MGMT: variants seen among roughly 807,000 people sequenced by gnomAD.
The protein encoded by MGMT is methylated-DNA--protein-cysteine methyltransferase.
In MGMT, 14 loss-of-function variants were observed where a neutral mutation model predicts 15.9. That is an observed-to-expected ratio of 0.88 (90% confidence interval 0.58 to 1.37). MGMT has a LOEUF of 1.37. MGMT is among the 40% of genes most tolerant of loss of function. MGMT has a pLI of 0.00. For synonymous variants in MGMT, 130 were observed against 118.2 expected, an observed-to-expected ratio of 1.10 and a Z score of -0.65; for missense variants, 282 against 268.1, an observed-to-expected ratio of 1.05 and a Z score of -0.36.
chr10:129,495,278 CGTA>C (rs1303808453), intron 1 of MGMT, among the ~76,000 whole-genome samples: 1 of 152,148 alleles, frequency 6.6e-6, no homozygotes, highest in African/African-American at 2.4e-5. Flanking sequence ...GCAAAATAAA[CGTA>C]GTACCTAATG....
intron 1 of MGMT, among the ~76,000 whole-genome samples, chr10:129,495,800 T>C (rs947082): frequency 0.1 from 15,673 of 152,248 alleles, 988 homozygotes; most frequent in Non-Finnish European, 0.13. Flanking sequence ...TCACATGACA[T>C]CAGAACTTCA....
chr10:129,600,898 A>G (rs1846813954), intron 2 of MGMT, among the ~76,000 whole-genome samples: 1 of 152,202 alleles, frequency 6.6e-6, no homozygotes, highest in Non-Finnish European at 1.5e-5. Context: ...AGCTATCCAG[A>G]GAAATTGGAT....
At chr10:129,755,651 A>G (rs966738320) in intron 3 of MGMT, among the ~76,000 whole-genome samples, 6 of 152,218 alleles carry the variant, frequency 3.9e-5, no homozygotes, top group South Asian at 2.1e-4. Flanking sequence ...TGGAAGCACA[A>G]TGGCCTGCCT....
chr10:129,620,759 G>A (rs1847082161), intron 2 of MGMT, among the ~76,000 whole-genome samples: 1 of 152,118 alleles, frequency 6.6e-6, no homozygotes, highest in South Asian at 2.1e-4. Context: ...CAGTATGCAA[G>A]TCTGTACTTT....
chr10:129,753,600 A>G lies in MGMT; in HGVS notation c.275-5602A>G, dbSNP rs1038224921. On this transcript the variant is annotated intron_variant, in intron 3 of 4. Coordinates refer to ENST00000651593, the MANE Select transcript of MGMT (RefSeq NM_002412.5). ...GCATCTCCATTCTACTATTGATCCTATGCAGTACAGTTTTTAATTTTGGTT... is the reference window on the plus strand; with the variant it reads ...GCATCTCCATTCTACTATTGATCCTGTGCAGTACAGTTTTTAATTTTGGTT... Among the ~76,000 whole-genome samples the G allele has an allele frequency of 2.0e-5, 3 of 152,076 alleles. No individual in the cohort carries two copies. In the South Asian group the frequency reaches 6.2e-4, roughly 32 times the overall value.
intron 1 of MGMT, among the ~76,000 whole-genome samples, chr10:129,505,213 G>A (rs1053568045): frequency 6.6e-6 from 1 of 151,744 alleles, no homozygotes; most frequent in African/African-American, 2.4e-5. Context: ...ACAAGATTCT[G>A]TGGTAGATAA....
chr10:129,547,765 T>C (rs1245805257), intron 2 of MGMT, among the ~76,000 whole-genome samples: 1 of 152,216 alleles, frequency 6.6e-6, no homozygotes, highest in Non-Finnish European at 1.5e-5. Flanking sequence ...TGGGGAGTGT[T>C]CATGGCTTCT....
At chr10:129,502,124 A>G (rs895962215) in intron 1 of MGMT, among the ~76,000 whole-genome samples, 2 of 152,226 alleles carry the variant, frequency 1.3e-5, no homozygotes, top group African/African-American at 4.8e-5. Context: ...CGTCCCAGCC[A>G]TCCTGACTAG....
chr10:129,759,167 G>A, intron 3 of MGMT, 35 bp from the exon 4 acceptor site: 2 of 1,612,842 alleles, frequency 1.2e-6, no homozygotes, highest in Non-Finnish European at 1.7e-6. Context: ...GAAGCCGTTT[G>A]TCCAAATAAC....
In MGMT at chr10:129,638,193, C is replaced by T. The variant is rs192746712; in HGVS notation, c.126-69702C>T. 5.5e-4 allele frequency among the ~76,000 whole-genome samples: 84 copies of T among 152,020 alleles called. 1 individual carries two copies. Among genetic ancestry groups the T allele is most frequent in the African/African-American group, 1.9e-3 (80 of 41,460 alleles). ...ATTTCCTAGACACACCAATCTGTAA[C>T]GGTTTAGAACTCAACCCGGTGGTTA... On this transcript the variant is annotated intron_variant, in intron 2 of 4. Transcript: ENST00000651593.
intron 2 of MGMT, among the ~76,000 whole-genome samples, chr10:129,552,947 CCTTG>C (rs1227043379): frequency 6.6e-6 from 1 of 152,112 alleles, no homozygotes; most frequent in African/African-American, 2.4e-5. Context: ...ATGTCAGCTG[CCTTG>C]CTTTTTTCTA....
intron 3 of MGMT, among the ~76,000 whole-genome samples, chr10:129,719,596 T>G (rs912712395): frequency 6.6e-6 from 1 of 152,176 alleles, no homozygotes; most frequent in Non-Finnish European, 1.5e-5. Flanking sequence ...GCCTTTCCTC[T>G]GGGCGTGCAT....
chr10:129,732,152 T>C (rs1848505655), intron 3 of MGMT, among the ~76,000 whole-genome samples: 1 of 109,158 alleles, frequency 9.2e-6, no homozygotes, highest in Non-Finnish European at 2.0e-5. Context: ...GGCTCCTCCT[T>C]TTTTAAATTT....
chr10:129,530,854 G>A (rs183223724), intron 1 of MGMT, among the ~76,000 whole-genome samples: 67 of 152,308 alleles, frequency 4.4e-4, no homozygotes, highest in Admixed American at 4.3e-3. Context: ...CTCCTCGCCC[G>A]GGGGCCCCTC....
intron 2 of MGMT, among the ~76,000 whole-genome samples, chr10:129,559,753 C>G (rs547651641): frequency 1.6e-4 from 25 of 152,166 alleles, no homozygotes; most frequent in African/African-American, 5.5e-4. Flanking sequence ...TTGAAATTAG[C>G]AATTTTATTA....
chr10:129,629,696 G>A (rs1847189318), intron 2 of MGMT, among the ~76,000 whole-genome samples: 1 of 152,148 alleles, frequency 6.6e-6, no homozygotes. Flanking sequence ...TTCTGCCATT[G>A]CTCACAGATA....
At chr10:129,538,104 A>G (rs1414049182) in intron 2 of MGMT, among the ~76,000 whole-genome samples, 3 of 152,252 alleles carry the variant, frequency 2.0e-5, no homozygotes, top group Non-Finnish European at 2.9e-5. Context: ...AGAATAGTAT[A>G]TAAAAGTATA....
chr10:129,582,049 G>T (rs1188824031), intron 2 of MGMT, among the ~76,000 whole-genome samples: 2 of 152,198 alleles, frequency 1.3e-5, no homozygotes, highest in Non-Finnish European at 2.9e-5. Context: ...GTCCCAGGTG[G>T]GTGGTGGTGA....
chr10:129,492,706 C>T (rs1279384192), intron 1 of MGMT, among the ~76,000 whole-genome samples: 2 of 152,210 alleles, frequency 1.3e-5, no homozygotes, highest in Non-Finnish European at 2.9e-5. Context: ...CAGCAAAGGG[C>T]AGTCTCCACT....
Sources: allele counts gnomAD v4.1 joint callset (sites outside exome capture counted in the v4.1 genomes callset), GRCh38; gene constraint gnomAD v4.1.1; transcripts MANE v1.5; gene names NCBI Gene and HGNC (gene_info 2026-07-23, HGNC 2026-07-21).